DOCK10: variants seen among roughly 807,000 people sequenced by gnomAD.
DOCK10 encodes dedicator of cytokinesis protein 10.
DOCK10 carries 145 observed loss-of-function variants against 280.1 expected under a neutral mutation model. The ratio of observed to expected loss-of-function variants is 0.52; its 90% CI spans 0.45 to 0.59. The LOEUF (loss-of-function observed/expected upper bound fraction) is 0.59. DOCK10 is among the 20% of genes least tolerant of loss of function. The pLI is 0.00. For missense variants in DOCK10, 2,368 were observed against 2,651.7 expected (o/e 0.89, Z 2.35); for synonymous variants, 915 against 942.2 (o/e 0.97, Z 0.53).
chr2:224,787,652 A>G (rs895302186), intron 48 of DOCK10, among the ~76,000 whole-genome samples: 6 of 152,174 alleles, frequency 3.9e-5, no homozygotes, highest in South Asian at 4.1e-4. Flanking sequence ...TCCCACTGCT[A>G]CTGACTTCGT....
At position 224,802,005 on chromosome 2, in the gene DOCK10, T is replaced by A; in HGVS notation, c.4304A>T (p.Gln1435Leu). 1 of 1,613,190 alleles carries A rather than the reference T, an allele frequency of 6.2e-7. No homozygotes were observed. Among genetic ancestry groups the A allele is most frequent in the Non-Finnish European group, 8.5e-7 (1 of 1,179,346 alleles). Residue 1435 changes from glutamine to leucine, a missense_variant, in exon 40 of 56, where the codon CAG becomes CTG. Around this residue, in one of 2 missense-constraint regions of DOCK10, gnomAD observed 1,159 missense variants for 1,400.8 expected, o/e 0.83. Coordinates refer to ENST00000258390, the MANE Select transcript of DOCK10 (RefSeq NM_014689.3). ...TATAGGTAAAGTTTGTGATCTGTGC[T>A]GCTTATGGCCTTCATGACTGGAAGT... is the stretch of plus-strand genomic sequence containing the variant. ...HSTSSHEGHK[Q>L]HRSQTLPIIR...
At chr2:224,874,402 CT>C in intron 9 of DOCK10, 53 bp from the exon 10 acceptor site, 7 of 1,387,824 alleles carry the variant, frequency 5.0e-6, no homozygotes, top group Non-Finnish European at 7.1e-6. Flanking sequence ...GATACAGCCC[CT>C]GACACATCCA....
At position 224,874,029 on chromosome 2, in the gene DOCK10, A is replaced by G; in HGVS notation, c.1224T>C (p.Cys408=). 6.2e-7 allele frequency: 1 copy of G among 1,612,918 alleles called. No homozygotes were observed. The highest frequency in any genetic ancestry group is 8.5e-7 in the Non-Finnish European group (1 of 1,179,678). The change falls in exon 11 of 56, where the codon TGT becomes TGC. Residue 408 remains cysteine (C), a synonymous_variant. Coordinates refer to ENST00000258390, the MANE Select transcript of DOCK10 (RefSeq NM_014689.3). ...TCGGATCATTTTCATTCTCCGTAACACATCCCTGAAGATTTGAGTTGAGGG... is the reference window on the plus strand; with the variant it reads ...TCGGATCATTTTCATTCTCCGTAACGCATCCCTGAAGATTTGAGTTGAGGG... ...CKALNSNLQG[C]VTENENDPIT...
rs1363659960 is a variant in DOCK10 at position 224,970,924 on chromosome 2, G to C, written c.124-39256C>G. Among the ~76,000 whole-genome samples, 1 of 152,062 alleles carries C rather than the reference G, an allele frequency of 6.6e-6. No individual in the cohort carries two copies. The highest frequency in any genetic ancestry group is 2.4e-5 in the African/African-American group (1 of 41,390). On this transcript the variant is annotated intron_variant, in intron 1 of 55. Transcript: ENST00000258390. The surrounding 1 kb of genome is among the most constrained non-coding windows in gnomAD (Gnocchi z 4.6). The stretch of plus-strand genomic sequence containing the variant: ...CACTTAAAATTCTGCACATACCTTG[G>C]AACTATAGCTCATTATTTCTGGATT...
chr2:224,898,608 G>T (rs1301390814), intron 3 of DOCK10, among the ~76,000 whole-genome samples: 1 of 152,138 alleles, frequency 6.6e-6, no homozygotes, highest in Non-Finnish European at 1.5e-5. Context: ...ACGGAGTCTC[G>T]CTCTGTCGCC....
intron 27 of DOCK10, among the ~76,000 whole-genome samples, chr2:224,824,917 GT>G (rs768620545): frequency 2.6e-5 from 4 of 151,464 alleles, no homozygotes; most frequent in African/African-American, 7.3e-5. Context: ...TACAGGAGTT[GT>G]ATGAAACAGA....
chr2:225,007,954 A>AT (rs374648860), intron 1 of DOCK10, among the ~76,000 whole-genome samples: 143 of 149,328 alleles, frequency 9.6e-4, no homozygotes, highest in African/African-American at 1.3e-3. Flanking sequence ...CTATCATCTA[A>AT]TTTTTTTTTT....
chr2:224,952,888 G>A (rs1182875481), intron 1 of DOCK10, among the ~76,000 whole-genome samples: 2 of 152,188 alleles, frequency 1.3e-5, no homozygotes, highest in East Asian at 1.9e-4. Context: ...CACCGCGCCC[G>A]GCCTATGTTA....
At chr2:224,828,710 CT>C (rs1361520079) in intron 27 of DOCK10, among the ~76,000 whole-genome samples, 1 of 152,186 alleles carries the variant, frequency 6.6e-6, no homozygotes. Flanking sequence ...TGTGCTTAAT[CT>C]CCAGGAGCCA....
intron 4 of DOCK10, among the ~76,000 whole-genome samples, chr2:224,889,710 G>A (rs536109876): frequency 1.8e-4 from 28 of 152,246 alleles, no homozygotes; most frequent in Non-Finnish European, 1.5e-5. Context: ...GTTCTTTTAG[G>A]ATCACTGGGA....
chr2:225,039,516 C>T (rs13404313), intron 1 of DOCK10, among the ~76,000 whole-genome samples: 23,428 of 152,004 alleles, frequency 0.15, 2,500 homozygotes, highest in Non-Finnish European at 0.21. Context: ...GTACATAAGC[C>T]TACTACATAC....
intron 27 of DOCK10, among the ~76,000 whole-genome samples, chr2:224,828,039 G>T (rs1444468824): frequency 6.6e-6 from 1 of 152,126 alleles, no homozygotes; most frequent in Non-Finnish European, 1.5e-5. Flanking sequence ...TATTGCAAAG[G>T]CCTCTCCCTG....
At chr2:224,972,130 A>G (rs890680870) in intron 1 of DOCK10, among the ~76,000 whole-genome samples, 2 of 152,224 alleles carry the variant, frequency 1.3e-5, no homozygotes, top group African/African-American at 2.4e-5. Context: ...GACTGTGGCA[A>G]CAAATAAAGA....
chr2:224,995,014 C>T (rs1223885311), intron 1 of DOCK10, among the ~76,000 whole-genome samples: 1 of 152,144 alleles, frequency 6.6e-6, no homozygotes, highest in Non-Finnish European at 1.5e-5. Context: ...AGGTGCCCTC[C>T]CACGGTTCAC....
chr2:224,766,005 A>C (rs1302740649), intron 55 of DOCK10, among the ~76,000 whole-genome samples, 168 bp from the exon 56 acceptor site: 1 of 152,168 alleles, frequency 6.6e-6, no homozygotes, highest in Non-Finnish European at 1.5e-5. Flanking sequence ...CCCCAAGACC[A>C]CGTGCTAGCT....
intron 1 of DOCK10, among the ~76,000 whole-genome samples, chr2:224,951,620 A>C (rs544484593): frequency 2.3e-4 from 35 of 152,268 alleles, no homozygotes; most frequent in Non-Finnish European, 3.5e-4. Flanking sequence ...CCACTGTAAC[A>C]AACTGCCACA....
At chr2:224,962,877 T>G (rs1704529008) in intron 1 of DOCK10, among the ~76,000 whole-genome samples, 1 of 152,202 alleles carries the variant, frequency 6.6e-6, no homozygotes, top group African/African-American at 2.4e-5. Context: ...AGAATAACAA[T>G]TAGGCAGCCT....
At chr2:225,000,545 C>A (rs898954100) in intron 1 of DOCK10, among the ~76,000 whole-genome samples, 1 of 152,160 alleles carries the variant, frequency 6.6e-6, no homozygotes, top group Non-Finnish European at 1.5e-5. Flanking sequence ...TGGAGAATTT[C>A]AACACGTTCA....
chr2:224,876,674 A>G (rs78258508), intron 7 of DOCK10, among the ~76,000 whole-genome samples: 1 of 152,026 alleles, frequency 6.6e-6, no homozygotes, highest in African/African-American at 2.4e-5. Context: ...CTTTCTTCGT[A>G]TCTTCCTTGT....
Sources: gnomAD v4.1 joint callset for allele counts (sites outside exome capture counted in the v4.1 genomes callset) on GRCh38, gnomAD v4.1.1 for gene constraint, gnomAD v4.1.1 regional missense constraint, Gnocchi (gnomAD v3.1) non-coding constraint, MANE v1.5 for transcripts, NCBI Gene and HGNC (gene_info 2026-07-23, HGNC 2026-07-21) for gene names.